Variants in TAFA5 observed in about 807,000 individuals in gnomAD.
TAFA5 encodes TAFA chemokine like family member 5, also known as chemokine-like protein TAFA-5.
In TAFA5, 6 loss-of-function variants were observed where a neutral mutation model predicts 15.3. The observed-to-expected ratio is 0.39, with a 90% CI of 0.21 to 0.77. The LOEUF (loss-of-function observed/expected upper bound fraction) is 0.77, where lower values mean the gene tolerates loss of function less well. Among genes scored for constraint, TAFA5 ranks in the 30% least tolerant of loss-of-function variants. The probability of loss-of-function intolerance (pLI) is 0.41; values close to 1 mark genes in which losing one functional copy is unlikely to be tolerated. For synonymous variants in TAFA5, 103 were observed against 80.7 expected, an observed-to-expected ratio of 1.28 and a Z score of -1.48; for missense variants, 161 against 193.1, an observed-to-expected ratio of 0.83 and a Z score of 0.98.
chr22:48,501,238 G>A (rs1270849768), intron 1 of TAFA5, among the ~76,000 whole-genome samples: 1 of 152,236 alleles, frequency 6.6e-6, no homozygotes, highest in African/African-American at 2.4e-5. Context: ...ATTGATTGGA[G>A]TGAGGCCTTC....
At chr22:48,660,706 C>T (rs927074640) in intron 2 of TAFA5, among the ~76,000 whole-genome samples, 1 of 152,226 alleles carries the variant, frequency 6.6e-6, no homozygotes, top group Admixed American at 6.5e-5. Context: ...GGGCTCCGCC[C>T]TGGCTCTGCA....
intron 1 of TAFA5, among the ~76,000 whole-genome samples, chr22:48,633,538 C>CT (rs780336270): frequency 0.45 from 55,767 of 124,952 alleles, 12,024 homozygotes; most frequent in East Asian, 0.74. Flanking sequence ...GTCTGTCTCT[C>CT]CCTCTCTCTC....
intron 1 of TAFA5, among the ~76,000 whole-genome samples, chr22:48,579,036 T>A (rs960204257): frequency 3.9e-5 from 6 of 152,192 alleles, no homozygotes; most frequent in Admixed American, 6.5e-5. Flanking sequence ...ATGAATCTGT[T>A]TTCTTCAGGG....
intron 1 of TAFA5, among the ~76,000 whole-genome samples, chr22:48,499,095 C>T (rs1920939960): frequency 6.6e-6 from 1 of 152,234 alleles, no homozygotes; most frequent in African/African-American, 2.4e-5. Flanking sequence ...GAAAGGCTGT[C>T]TGCCGGGAGG....
intron 3 of TAFA5, among the ~76,000 whole-genome samples, chr22:48,722,554 T>G (rs1460142582): frequency 1.3e-5 from 2 of 151,220 alleles, no homozygotes; most frequent in African/African-American, 4.9e-5. Flanking sequence ...CTGGGGCCTG[T>G]CGGGGTGGGG....
intron 1 of TAFA5, among the ~76,000 whole-genome samples, chr22:48,537,859 C>T (rs532732960): frequency 1.7e-4 from 26 of 152,352 alleles, no homozygotes; most frequent in Admixed American, 1.3e-3. Context: ...TTCCTGAGGC[C>T]TCTCTGGCTG....
At chr22:48,669,826 T>C (rs887919695) in intron 2 of TAFA5, among the ~76,000 whole-genome samples, 2 of 152,256 alleles carry the variant, frequency 1.3e-5, no homozygotes, top group African/African-American at 2.4e-5. Flanking sequence ...ACGTCAGTGC[T>C]TTCTGGCCCT....
At chr22:48,611,007 C>T (rs1368307100) in intron 1 of TAFA5, among the ~76,000 whole-genome samples, 3 of 151,590 alleles carry the variant, frequency 2.0e-5, no homozygotes, top group African/African-American at 4.9e-5. Context: ...AGTCTCGGCT[C>T]GCTGCAACCT....
At chr22:48,741,325 C>T (rs959658230) in intron 3 of TAFA5, among the ~76,000 whole-genome samples, 6 of 152,218 alleles carry the variant, frequency 3.9e-5, no homozygotes, top group Non-Finnish European at 5.9e-5. Context: ...CCGTCCTCAC[C>T]GCTGGGTCCC....
At chr22:48,605,334 T>C (rs1427021108) in intron 1 of TAFA5, among the ~76,000 whole-genome samples, 1 of 8,504 alleles carries the variant, frequency 1.2e-4, no homozygotes, top group Non-Finnish European at 3.1e-4. Context: ...ATGATGGTGA[T>C]GATGGTGATG....
At position 48,570,485 on chromosome 22, in the gene TAFA5, G is replaced by T. The variant is rs550578917; in HGVS notation, c.113-76112G>T. The stretch of plus-strand genomic sequence containing the variant: ...CCAGGCCTTTCCCCAGGGACAAAAT[G>T]GTTAATAGCTTCTTTCTTACCCAGC... On this transcript the variant is annotated intron_variant, in intron 1 of 3. Transcript: ENST00000402357. Among the ~76,000 whole-genome samples, 8 of 152,320 alleles carry T rather than the reference G, an allele frequency of 5.3e-5. No homozygotes were observed. In the South Asian group the frequency reaches 1.7e-3, roughly 32 times the overall value.
chr22:48,615,398 T>C (rs890596210), intron 1 of TAFA5, among the ~76,000 whole-genome samples: 1 of 152,064 alleles, frequency 6.6e-6, no homozygotes, highest in Non-Finnish European at 1.5e-5. Flanking sequence ...TCCTGGGCAG[T>C]GGGGAGGTTG....
intron 2 of TAFA5, among the ~76,000 whole-genome samples, chr22:48,682,128 C>T (rs373173342): frequency 1.6e-4 from 24 of 152,288 alleles, no homozygotes; most frequent in African/African-American, 5.8e-4. Flanking sequence ...TGGATGTGTT[C>T]AGAGGATCCA....
chr22:48,516,293 G>A (rs1259376344), intron 1 of TAFA5, among the ~76,000 whole-genome samples: 2 of 152,066 alleles, frequency 1.3e-5, no homozygotes, highest in African/African-American at 2.4e-5. Flanking sequence ...ACATATTAAC[G>A]GCTTTTCTTA....
At chr22:48,564,036 C>T (rs1452200029) in intron 1 of TAFA5, among the ~76,000 whole-genome samples, 10 of 152,210 alleles carry the variant, frequency 6.6e-5, no homozygotes, top group Admixed American at 6.5e-4. Flanking sequence ...AAAAGCAGAC[C>T]CTAAGCCGAG....
At chr22:48,523,707 G>A (rs1012349396) in intron 1 of TAFA5, among the ~76,000 whole-genome samples, 2 of 152,204 alleles carry the variant, frequency 1.3e-5, no homozygotes, top group Admixed American at 6.5e-5. Flanking sequence ...GGAAGGAGCC[G>A]CTCCCAGGAA....
chr22:48,746,722 G>A (rs1930338690), intron 3 of TAFA5, among the ~76,000 whole-genome samples: 1 of 152,204 alleles, frequency 6.6e-6, no homozygotes, highest in African/African-American at 2.4e-5. Context: ...CCTCCTACCA[G>A]GTGGCAGCCT....
In TAFA5 at chr22:48,644,023, A is replaced by G. The variant is rs770365449; in HGVS notation, c.113-2574A>G. On this transcript the variant is annotated intron_variant, in intron 1 of 3. Coordinates refer to ENST00000402357, the MANE Select transcript of TAFA5 (RefSeq NM_001082967.3). ...CCCGTCCAGATGCGTGTTGCCCCAC[A>G]GCATGGCTTTGACGCAGTAACCGCT... 2.5e-4 allele frequency among the ~76,000 whole-genome samples: 38 copies of G among 152,262 alleles called. 1 individual carries two copies. The highest frequency in any genetic ancestry group is 4.6e-4 in the Non-Finnish European group (31 of 68,050).
In TAFA5 at chr22:48,750,035, GA is replaced by G; in HGVS notation, c.*189del. The G allele has an allele frequency of 1.6e-6, 1 of 622,994 alleles. No homozygotes were observed. The highest frequency in any genetic ancestry group is 2.8e-6 in the Non-Finnish European group (1 of 353,624). The allele number at this position is 622,994 out of a possible 1,614,324, so 38.6% of individuals were successfully genotyped here. On this transcript the variant is annotated 3_prime_UTR_variant, in exon 4 of 4. Transcript: ENST00000402357. ...GAGCTTCGGTCTGTCCAGCCGACCC[GA>G]GGAGGCCGGACTCAGACACATAGGC...
Sources: allele counts gnomAD v4.1 joint callset (sites outside exome capture counted in the v4.1 genomes callset), GRCh38; gene constraint gnomAD v4.1.1; transcripts MANE v1.5; gene names NCBI Gene and HGNC (gene_info 2026-07-23, HGNC 2026-07-21).